The following PODNL1 variants were observed in gnomAD, a reference collection of about 807,000 sequenced individuals.
PODNL1 encodes podocan like 1.
Under a neutral mutation model 45.1 loss-of-function variants are expected in PODNL1, and 50 were observed. The observed-to-expected ratio is 1.11, with a 90% CI of 0.88 to 1.40. The LOEUF (loss-of-function observed/expected upper bound fraction) is 1.40. PODNL1 is among the 40% of genes most tolerant of loss of function. The pLI, the probability that PODNL1 is intolerant of heterozygous loss-of-function variation, is 0.00. For missense variants in PODNL1, 788 were observed against 793.3 expected, an observed-to-expected ratio of 0.99 and a Z score of 0.08; for synonymous variants, 406 against 372.5, an observed-to-expected ratio of 1.09 and a Z score of -1.04.
At position 13,933,612 on chromosome 19, in the gene PODNL1, G is replaced by C. The variant is rs933470320; in HGVS notation, c.768-157C>G. Among the ~76,000 whole-genome samples the C allele has an allele frequency of 6.6e-6, 1 of 152,094 alleles. No homozygotes were observed. Among genetic ancestry groups the C allele is most frequent in the East Asian group, 1.9e-4 (1 of 5,190 alleles). ...AGAGAGCTGGGTGGGAGGTAAACTT[G>C]GGGTGCCCAGGGCAGATTCCAGCCT... On this transcript the variant is annotated intron_variant, in intron 7 of 9. Coordinates refer to ENST00000588872, the MANE Select transcript of PODNL1 (RefSeq NM_001370095.3). This position sits in a 1 kb window ranked among gnomAD's most constrained non-coding sequence, Gnocchi z 5.2.
intron 1 of PODNL1, among the ~76,000 whole-genome samples, chr19:13,948,367 AT>A (rs572142449): frequency 0.28 from 36,733 of 130,352 alleles, 5,954 homozygotes; most frequent in African/African-American, 0.48. Context: ...CGCCCGGCTA[AT>A]TTTTTTTTTT....
chr19:13,947,050 AAAAC>A (rs1972841861), intron 1 of PODNL1, among the ~76,000 whole-genome samples: 1 of 147,232 alleles, frequency 6.8e-6, no homozygotes, highest in Non-Finnish European at 1.5e-5. Context: ...AAAACACAAA[AAAAC>A]AAAAAAAAAA....
At chr19:13,938,027 G>T (rs377120207) in intron 1 of PODNL1, 21 bp from the exon 2 acceptor site, 2 of 1,487,248 alleles carry the variant, frequency 1.3e-6, no homozygotes, top group Non-Finnish European at 9.1e-7. Flanking sequence ...GGGAGGGTCA[G>T]CGTGTCTCCA....
upstream of PODNL1, among the ~76,000 whole-genome samples, chr19:13,941,937 GC>G (rs992675091): frequency 6.3e-4 from 96 of 152,246 alleles, no homozygotes; most frequent in African/African-American, 2.2e-3. Flanking sequence ...CTTAGTTTAG[GC>G]CAGAAGAGAA....
rs561989170 is a variant in PODNL1, at chr19:13,931,765, G to T, written c.1697C>A (p.Pro566Gln). Residue 566 changes from proline to glutamine, a missense_variant, in exon 10 of 10, where the codon CCA (proline) becomes CAA (glutamine). Coordinates refer to ENST00000588872, the MANE Select transcript of PODNL1 (RefSeq NM_001370095.3). ...GGGGCCCCCTGCCCGTGGCCCACGT[G>T]GGGTGGTGGGAGGCAGCCGGATCAG... ...QVLIRLPPTT[P>Q]RGPRAGGP 4.9e-5 allele frequency: 60 copies of T among 1,231,894 alleles called. No individual in the cohort carries two copies. The Admixed American group carries it at 1.6e-3, about 33-fold the overall frequency. The allele number at this position is 1,231,894 out of a possible 1,614,324, so 76.3% of individuals were successfully genotyped here. A position where few individuals can be genotyped will look rare whatever the true frequency, so the allele number is the denominator to read the frequency against.
At chr19:13,952,100 G>A (rs1599456350) in intron 1 of PODNL1, among the ~76,000 whole-genome samples, 1 of 152,352 alleles carries the variant, frequency 6.6e-6, no homozygotes, top group South Asian at 2.1e-4. Flanking sequence ...CCGGGCGCGG[G>A]CAGCCCGGGG....
chr19:13,938,592 G>T, upstream of PODNL1: 2 of 449,742 alleles, frequency 4.4e-6, no homozygotes, highest in Non-Finnish European at 6.0e-6. Context: ...GAGCTTCGGG[G>T]CACAGGAGAG....
intron 1 of PODNL1, among the ~76,000 whole-genome samples, chr19:13,945,445 G>A (rs911381945): frequency 1.3e-5 from 2 of 151,722 alleles, no homozygotes; most frequent in African/African-American, 4.8e-5. Flanking sequence ...GCATGAGCCC[G>A]GGAGTTCAAG....
chr19:13,948,045 G>A (rs970352159), intron 1 of PODNL1, among the ~76,000 whole-genome samples: 1 of 151,876 alleles, frequency 6.6e-6, no homozygotes, highest in African/African-American at 2.4e-5. Flanking sequence ...TATAGAGATG[G>A]GATCTCACTA....
upstream of PODNL1, among the ~76,000 whole-genome samples, chr19:13,941,442 G>A (rs1458223234): frequency 1.3e-5 from 2 of 151,868 alleles, no homozygotes; most frequent in Non-Finnish European, 2.9e-5. Flanking sequence ...TCTCCCAGAA[G>A]CAGAGCTTGA....
intron 1 of PODNL1, among the ~76,000 whole-genome samples, chr19:13,952,323 G>A (rs1328728524): frequency 6.6e-6 from 1 of 152,258 alleles, no homozygotes; most frequent in Admixed American, 6.5e-5. Context: ...GCGGGAATAC[G>A]GCAACGGGCC....
chr19:13,932,365 C>T (rs1972006553), intron 8 of PODNL1: 1 of 496,398 alleles, frequency 2.0e-6, no homozygotes, highest in Non-Finnish European at 3.3e-6. Context: ...CCTCTTTCAT[C>T]ACTTTTTTTT....
intron 1 of PODNL1, among the ~76,000 whole-genome samples, chr19:13,951,959 A>G (rs1973053828): frequency 6.6e-6 from 1 of 152,208 alleles, no homozygotes; most frequent in Non-Finnish European, 1.5e-5. Flanking sequence ...TATCACCACC[A>G]TCATCCCACC....
chr19:13,935,882 C>A, intron 4 of PODNL1, 52 bp from the exon 5 acceptor site: 1 of 1,554,040 alleles, frequency 6.4e-7, no homozygotes, highest in Non-Finnish European at 8.7e-7. Context: ...CTTGGCCCCA[C>A]CACTTCCCCA....
In PODNL1 at chr19:13,931,819, AC is replaced by A; in HGVS notation, c.1642del (p.Val548TrpfsTer11). On this transcript the variant is annotated frameshift_variant, in exon 10 of 10. Transcript: ENST00000588872. LOFTEE classifies it low-confidence loss of function (END_TRUNC). ...AFLGLPNLRV[V>X]DTAGNPEQVL... is the part of the protein sequence containing the mutation. ...CTGCTCCGGATTCCCTGCCGTGTCC[AC>A]CACACGCAGGTTTGGGAGCCCCAGG... The A allele has an allele frequency of 8.1e-7, 1 of 1,231,726 alleles. No homozygotes were observed. The highest frequency in any genetic ancestry group is 1.0e-6 in the Non-Finnish European group (1 of 987,856). The allele number at this position is 1,231,726 out of a possible 1,614,324, so 76.3% of individuals were successfully genotyped here. A position where few individuals can be genotyped will look rare whatever the true frequency, so the allele number is the denominator to read the frequency against.
At position 13,953,258 on chromosome 19, in the gene PODNL1, TCCC is replaced by T. The variant is rs1973171954; in HGVS notation, c.-125_-123del. On this transcript the variant is annotated 5_prime_UTR_variant, in exon 1 of 8. Transcript: ENST00000538371. Reference sequence around the variant, plus strand: ...CCAGAGCTGGGGGATGATGTCTCTCTCCCCCATCAGTTTGGGAGCTCTGGAGGG... The same window carrying T: ...CCAGAGCTGGGGGATGATGTCTCTCTCCATCAGTTTGGGAGCTCTGGAGGG... 1.1e-5 allele frequency: 11 copies of T among 971,050 alleles called. No homozygotes were observed. The South Asian group carries it at 1.8e-4, about 16-fold the overall frequency. 60.2% of individuals were successfully genotyped at this position (971,050 alleles called of 1,614,324 possible).
At chr19:13,934,529 GCGCGCA>G in intron 5 of PODNL1, 119 bp from the exon 6 acceptor site, 14 of 991,986 alleles carry the variant, frequency 1.4e-5, no homozygotes, top group Non-Finnish European at 1.8e-5. Flanking sequence ...GTGTGTGTGC[GCGCGCA>G]TGTGTGGAGT....
rs545553915 is a variant in PODNL1 at position 13,935,892 on chromosome 19, A to G, written c.385-62T>C. The G allele has an allele frequency of 6.3e-5, 98 of 1,546,434 alleles. 1 individual carries two copies. In the African/African-American group the frequency reaches 9.9e-4, roughly 16 times the overall value. On this transcript the variant is annotated intron_variant, in intron 4 of 9. Coordinates refer to ENST00000588872, the MANE Select transcript of PODNL1 (RefSeq NM_001370095.3). Reference sequence around the variant, plus strand: ...TGCGCCTTGGCCCCACCACTTCCCCAGCAGAGCTGTCCCCTCCACACCCTG... The same window carrying G: ...TGCGCCTTGGCCCCACCACTTCCCCGGCAGAGCTGTCCCCTCCACACCCTG...
In PODNL1 at chr19:13,936,029, G is replaced by T. The variant is rs528851753; in HGVS notation, c.335C>A (p.Ala112Asp). ...LISSEGLPDEAFESLTQLQHL... is the reference protein window; with the variant it reads ...LISSEGLPDEDFESLTQLQHL... ...CTGCAGCTGGGTGAGGGACTCGAAG[G>T]CCTCGTCAGGCAGGCCTGGGAGAGT... Residue 112 changes from alanine (A) to aspartate (D), a missense_variant, in exon 4 of 10, where the codon GCC becomes GAC. This residue lies in a region of PODNL1 where 762 missense variants were observed against 750.9 expected (regional missense o/e 1.01). Transcript: ENST00000588872. The T allele has an allele frequency of 1.3e-6, 2 of 1,551,066 alleles. No homozygotes were observed. Among genetic ancestry groups the T allele is most frequent in the Non-Finnish European group, 1.7e-6 (2 of 1,148,084 alleles).
Sources: allele counts gnomAD v4.1 joint callset (sites outside exome capture counted in the v4.1 genomes callset), GRCh38; gene constraint gnomAD v4.1.1; regional missense constraint gnomAD v4.1.1; non-coding constraint Gnocchi (gnomAD v3.1); transcripts MANE v1.5; gene names NCBI Gene and HGNC (gene_info 2026-07-23, HGNC 2026-07-21).